Variants in EPHA6 observed in about 807,000 individuals in gnomAD.
The protein encoded by EPHA6 is EPH receptor A6.
In EPHA6, 50 loss-of-function variants were observed where a neutral mutation model predicts 112.0. The ratio of observed to expected loss-of-function variants is 0.45; its 90% CI spans 0.36 to 0.56. The LOEUF is 0.56. Among genes scored for constraint, EPHA6 ranks in the 20% least tolerant of loss-of-function variants. The probability of loss-of-function intolerance (pLI) is 0.00; values close to 1 mark genes in which losing one functional copy is unlikely to be tolerated. For synonymous variants in EPHA6, 529 were observed against 490.7 expected (o/e 1.08, Z -1.03); for missense variants, 1,280 against 1,417.4 (o/e 0.90, Z 1.56).
chr3:97,127,214 A>T (rs2048206805), intron 3 of EPHA6, among the ~76,000 whole-genome samples: 1 of 152,184 alleles, frequency 6.6e-6, no homozygotes, highest in Non-Finnish European at 1.5e-5. Flanking sequence ...AATTGTACAA[A>T]GGGATATGAT....
chr3:97,265,263 T>A (rs2079636995), intron 5 of EPHA6, among the ~76,000 whole-genome samples: 1 of 152,134 alleles, frequency 6.6e-6, no homozygotes, highest in Non-Finnish European at 1.5e-5. Context: ...CACTGGGGAC[T>A]CTCAACCTTT....
intron 7 of EPHA6, among the ~76,000 whole-genome samples, chr3:97,471,377 A>C (rs2091223581): frequency 6.6e-6 from 1 of 151,686 alleles, no homozygotes; most frequent in African/African-American, 2.4e-5. Flanking sequence ...TTCCCCACTG[A>C]ACTGAAAATC....
At chr3:97,321,462 T>A (rs1283963288) in intron 5 of EPHA6, among the ~76,000 whole-genome samples, 1 of 151,986 alleles carries the variant, frequency 6.6e-6, no homozygotes, top group Non-Finnish European at 1.5e-5. Context: ...TTTTCAGAAA[T>A]CAATATGCAA....
At chr3:97,160,189 A>C (rs914336077) in intron 3 of EPHA6, among the ~76,000 whole-genome samples, 2 of 152,188 alleles carry the variant, frequency 1.3e-5, no homozygotes, top group Non-Finnish European at 2.9e-5. Context: ...TGGTATCTAC[A>C]GAACAGGTCA....
chr3:97,365,563 T>C (rs2084673302), intron 5 of EPHA6, among the ~76,000 whole-genome samples: 1 of 152,118 alleles, frequency 6.6e-6, no homozygotes, highest in Non-Finnish European at 1.5e-5. Flanking sequence ...TGTATTTTTG[T>C]ATTTTTAGTA....
chr3:97,413,356 G>A (rs2087870764), intron 6 of EPHA6, among the ~76,000 whole-genome samples: 1 of 151,666 alleles, frequency 6.6e-6, no homozygotes, highest in Admixed American at 6.6e-5. Context: ...TTCCAAAGGG[G>A]GTTTTGGGAA....
chr3:96,878,701 A>G (rs1177861210), intron 2 of EPHA6, among the ~76,000 whole-genome samples: 2 of 152,096 alleles, frequency 1.3e-5, no homozygotes, highest in Non-Finnish European at 2.9e-5. Context: ...TACAATCTGT[A>G]TCATTCCAAC....
At chr3:97,399,298 G>C (rs1462014455) in intron 5 of EPHA6, among the ~76,000 whole-genome samples, 1 of 151,534 alleles carries the variant, frequency 6.6e-6, no homozygotes, top group Non-Finnish European at 1.5e-5. Context: ...CAGTGGAATA[G>C]TATTCCATTG....
chr3:97,301,742 T>C (rs974397296), intron 5 of EPHA6, among the ~76,000 whole-genome samples: 1 of 152,128 alleles, frequency 6.6e-6, no homozygotes, highest in Admixed American at 6.6e-5. Flanking sequence ...TTTATATGAA[T>C]ATCTTTATTT....
chr3:96,827,595 T>G (rs1286931678), intron 1 of EPHA6, among the ~76,000 whole-genome samples: 1 of 152,110 alleles, frequency 6.6e-6, no homozygotes, highest in East Asian at 1.9e-4. Context: ...GTTCATATAC[T>G]CGGATCAATT....
At chr3:96,926,146 C>A (rs1426502816) in intron 2 of EPHA6, among the ~76,000 whole-genome samples, 1 of 152,060 alleles carries the variant, frequency 6.6e-6, no homozygotes, top group Non-Finnish European at 1.5e-5. Context: ...ATAGTCATGG[C>A]AGAAGGGGAA....
intron 5 of EPHA6, among the ~76,000 whole-genome samples, chr3:97,291,712 A>G (rs912764629): frequency 1.3e-5 from 2 of 152,198 alleles, no homozygotes; most frequent in Non-Finnish European, 2.9e-5. Context: ...GTGGGTACAT[A>G]TATATTTAGA....
chr3:96,950,415 T>G (rs1202088331), intron 2 of EPHA6, among the ~76,000 whole-genome samples: 1 of 152,162 alleles, frequency 6.6e-6, no homozygotes, highest in Non-Finnish European at 1.5e-5. Context: ...CTCTTTGCCC[T>G]TGATGTTCTG....
In EPHA6 at chr3:97,404,772, G is replaced by C. The variant is rs146493907; in HGVS notation, c.1607-378G>C. 3.4e-3 allele frequency among the ~76,000 whole-genome samples: 519 copies of C among 152,212 alleles called. 4 individuals carry two copies. The highest frequency in any genetic ancestry group is 0.012 in the African/African-American group (488 of 41,548). On this transcript the variant is annotated intron_variant, in intron 5 of 17. Coordinates refer to ENST00000389672, the MANE Select transcript of EPHA6 (RefSeq NM_001080448.3). ...CTATAAATGATCTTGTAATTGCAGA[G>C]TTTGTTTTTTCCTACAGTAGATCAA... is the stretch of plus-strand genomic sequence containing the variant.
chr3:96,940,518 A>G, intron 2 of EPHA6, among the ~76,000 whole-genome samples: 1 of 152,070 alleles, frequency 6.6e-6, no homozygotes, highest in East Asian at 1.9e-4. Flanking sequence ...GGTTTCCTGA[A>G]TACAGCACAC....
At chr3:97,341,378 C>A (rs572208134) in intron 5 of EPHA6, among the ~76,000 whole-genome samples, 1 of 150,434 alleles carries the variant, frequency 6.6e-6, no homozygotes, top group Non-Finnish European at 1.5e-5. Flanking sequence ...TTTTTTCAGA[C>A]GGAGTCTTGC....
chr3:97,407,668 T>C (rs1297493425), intron 6 of EPHA6, among the ~76,000 whole-genome samples: 1 of 152,126 alleles, frequency 6.6e-6, no homozygotes, highest in East Asian at 1.9e-4. Flanking sequence ...ACAGCTTGAC[T>C]ATGAAAGGCA....
At chr3:97,676,911 C>T (rs1001848436) in intron 14 of EPHA6, among the ~76,000 whole-genome samples, 4 of 152,046 alleles carry the variant, frequency 2.6e-5, no homozygotes, top group African/African-American at 7.2e-5. Flanking sequence ...GGATAAGATA[C>T]GGAATCATCT....
chr3:97,084,097 CATGGATATATATATATATATATAT>C (rs2046812405), intron 3 of EPHA6, among the ~76,000 whole-genome samples: 1 of 59,594 alleles, frequency 1.7e-5, no homozygotes, highest in African/African-American at 1.4e-4. Context: ...TGTGTGTGTG[CATGGATATATATATATATATATAT>C]ATGGATATAT....
Sources: gnomAD v4.1 joint callset for allele counts (sites outside exome capture counted in the v4.1 genomes callset) on GRCh38, gnomAD v4.1.1 for gene constraint, MANE v1.5 for transcripts, NCBI Gene and HGNC (gene_info 2026-07-23, HGNC 2026-07-21) for gene names.